The following EYS variants were observed in gnomAD, a reference collection of about 807,000 sequenced individuals.
EYS encodes EGF-like photoreceptor maintenance factor, also known as protein eyes shut homolog.
In EYS, 250 loss-of-function variants were observed where a neutral mutation model predicts 282.1. That is an observed-to-expected ratio of 0.89 (90% CI 0.80 to 0.98). The LOEUF is 0.98. Among genes scored for constraint, EYS ranks in the 50% least tolerant of loss-of-function variants. The pLI is 0.00. For synonymous variants in EYS, 1,355 were observed against 1,282.9 expected (o/e 1.06, Z -1.20); for missense variants, 4,016 against 3,709.0 (o/e 1.08, Z -2.15).
In EYS at chr6:65,178,325, C is replaced by G. The variant is rs528327981; in HGVS notation, c.2023+117538G>C. ...TAAATCTGTCTTTCTAAACTTGTTACTGTCTTGGGTAAATTCCTTTACTAC... is the reference window on the plus strand; with the variant it reads ...TAAATCTGTCTTTCTAAACTTGTTAGTGTCTTGGGTAAATTCCTTTACTAC... On this transcript the variant is annotated intron_variant, in intron 12 of 42. Transcript: ENST00000503581. Among the ~76,000 whole-genome samples, 4 of 152,112 alleles carry G rather than the reference C, an allele frequency of 2.6e-5. No homozygotes were observed. The South Asian group carries it at 8.3e-4, about 32-fold the overall frequency.
chr6:64,241,998 T>C (rs577823830), intron 30 of EYS, among the ~76,000 whole-genome samples: 33 of 152,272 alleles, frequency 2.2e-4, no homozygotes, highest in Admixed American at 2.2e-3. Flanking sequence ...TAATCTTGAG[T>C]TCTAATTTGA....
chr6:64,095,238 G>T (rs1236276492), intron 31 of EYS, among the ~76,000 whole-genome samples: 1 of 152,182 alleles, frequency 6.6e-6, no homozygotes, highest in African/African-American at 2.4e-5. Flanking sequence ...CTGTTGATTT[G>T]GGGTGGAGAG....
chr6:64,659,073 T>A (rs1259983166), intron 22 of EYS, among the ~76,000 whole-genome samples: 1 of 151,996 alleles, frequency 6.6e-6, no homozygotes, highest in Admixed American at 6.6e-5. Context: ...AACTCAGGAT[T>A]AAGAAACTCA....
chr6:64,656,454 G>A (rs1181277642), intron 22 of EYS, among the ~76,000 whole-genome samples: 3 of 152,110 alleles, frequency 2.0e-5, no homozygotes, highest in Admixed American at 2.0e-4. Context: ...TACCTTAGTT[G>A]GGAGTCTCCA....
intron 35 of EYS, among the ~76,000 whole-genome samples, chr6:63,905,721 A>G (rs1410917973): frequency 6.6e-6 from 1 of 152,192 alleles, no homozygotes; most frequent in Non-Finnish European, 1.5e-5. Context: ...TAAATTCTCT[A>G]ACCCAGTGGA....
In EYS at chr6:64,388,869, T is replaced by C. The variant is rs754921817; in HGVS notation, c.5928-29A>G. The stretch of plus-strand genomic sequence containing the variant: ...TAACCATTTAAGAAAGAAATGGTTT[T>C]AGTATAAGTCATATAAACATTTATC... On this transcript the variant is annotated intron_variant, in intron 28 of 42. Transcript: ENST00000503581. The C allele has an allele frequency of 4.2e-6, 6 of 1,419,910 alleles. No individual in the cohort carries two copies. In the South Asian group the frequency reaches 4.6e-5, roughly 11 times the overall value. The allele number at this position is 1,419,910 out of a possible 1,614,324, so 88.0% of individuals were successfully genotyped here.
At chr6:64,264,797 A>G (rs1423051244) in intron 30 of EYS, among the ~76,000 whole-genome samples, 1 of 151,952 alleles carries the variant, frequency 6.6e-6, no homozygotes, top group Non-Finnish European at 1.5e-5. Context: ...TCGTCTATTC[A>G]AGAGGCTGAG....
chr6:64,047,598 T>A (rs1373423443), intron 33 of EYS, among the ~76,000 whole-genome samples: 1 of 152,198 alleles, frequency 6.6e-6, no homozygotes, highest in Non-Finnish European at 1.5e-5. Flanking sequence ...TTTATAGAAT[T>A]AGGTGACTTA....
intron 26 of EYS, among the ~76,000 whole-genome samples, chr6:64,478,798 T>C (rs1381581370): frequency 6.6e-6 from 1 of 151,294 alleles, no homozygotes; most frequent in Non-Finnish European, 1.5e-5. Context: ...AGTATAATAA[T>C]AGTAATTGAT....
intron 19 of EYS, among the ~76,000 whole-genome samples, chr6:64,832,284 C>T (rs114221869): frequency 0.026 from 3,976 of 151,894 alleles, 72 homozygotes; most frequent in Middle Eastern, 0.065. Flanking sequence ...CTAATCCTTG[C>T]TAATATAATG....
chr6:64,993,217 G>A (rs955721174), intron 14 of EYS, among the ~76,000 whole-genome samples: 1 of 151,912 alleles, frequency 6.6e-6, no homozygotes, highest in Non-Finnish European at 1.5e-5. Flanking sequence ...TCTTAATCCA[G>A]TCTATCATTG....
At chr6:64,069,965 C>A (rs2149858351) in intron 32 of EYS, among the ~76,000 whole-genome samples, 1 of 152,060 alleles carries the variant, frequency 6.6e-6, no homozygotes, top group South Asian at 2.1e-4. Context: ...TTACAAATAT[C>A]TTTATTTTGA....
In EYS at chr6:65,494,695, G is replaced by T. The variant is rs150140204; in HGVS notation, c.716C>A (p.Ala239Glu). The stretch of plus-strand genomic sequence containing the variant: ...TGGTGGGTGACAGACACATTCATAT[G>T]CTTGCTCATCCCAATTTTCTCTTTT... ...INKRENWDEQAYECVCHPPFT... is the reference protein window; with the variant it reads ...INKRENWDEQEYECVCHPPFT... The change falls in exon 4 of 43, where the codon GCA (alanine) becomes GAA (glutamate). Residue 239 changes from alanine to glutamate, a missense_variant. Ala to Glu is a moderately radical substitution (Grantham distance 107, BLOSUM62 -1). Transcript: ENST00000503581. 6.3e-7 allele frequency: 1 copy of T among 1,587,018 alleles called. No individual in the cohort carries two copies. Among genetic ancestry groups the T allele is most frequent in the Admixed American group, 1.8e-5 (1 of 56,898 alleles).
intron 22 of EYS, among the ~76,000 whole-genome samples, chr6:64,683,637 T>A (rs1323427071): frequency 6.6e-6 from 1 of 152,038 alleles, no homozygotes; most frequent in Non-Finnish European, 1.5e-5. Context: ...GGGCAGAAAA[T>A]TGTACTTAAT....
At chr6:64,879,208 A>G (rs1323840405) in intron 19 of EYS, among the ~76,000 whole-genome samples, 1 of 152,070 alleles carries the variant, frequency 6.6e-6, no homozygotes, top group Non-Finnish European at 1.5e-5. Flanking sequence ...ATTTCCTATG[A>G]AGGGGAAAAG....
intron 12 of EYS, among the ~76,000 whole-genome samples, chr6:65,181,163 C>T (rs1103006): frequency 0.14 from 20,903 of 151,808 alleles, 2,054 homozygotes; most frequent in African/African-American, 0.28. Flanking sequence ...ACTTCATGTC[C>T]AAAACACCAA....
At chr6:64,277,725 G>T (rs1370662980) in intron 30 of EYS, among the ~76,000 whole-genome samples, 1 of 152,122 alleles carries the variant, frequency 6.6e-6, no homozygotes, top group African/African-American at 2.4e-5. Flanking sequence ...ACAACATGCA[G>T]ATGTAAATAA....
intron 8 of EYS, among the ~76,000 whole-genome samples, chr6:65,374,503 T>TTTG (rs386407365): frequency 2.2e-5 from 1 of 46,240 alleles, no homozygotes; most frequent in Non-Finnish European, 6.6e-5. Flanking sequence ...ACCTGCGGAG[T>TTTG]TTTTTTTTTT....
Position 65,003,250 on chromosome 6 carries a change from G to A in EYS, c.2138-5547C>T, listed in dbSNP as rs980749475. On this transcript the variant is annotated intron_variant, in intron 13 of 42. Transcript: ENST00000503581. ...CACCTGGGGGTGGGTCTCTGAACTG[G>A]CCCCCCTGGGCGTGGCCATCTCTTA... 1.4e-5 allele frequency among the ~76,000 whole-genome samples: 2 copies of A among 147,088 alleles called. 1 individual carries two copies. Among genetic ancestry groups the A allele is most frequent in the Non-Finnish European group, 3.0e-5 (2 of 65,756 alleles).
Sources: gnomAD v4.1 joint callset for allele counts (sites outside exome capture counted in the v4.1 genomes callset) on GRCh38, gnomAD v4.1.1 for gene constraint, MANE v1.5 for transcripts, NCBI Gene and HGNC (gene_info 2026-07-23, HGNC 2026-07-21) for gene names.